CCDC158: variants seen among roughly 807,000 people sequenced by gnomAD.
CCDC158 encodes the protein coiled-coil domain-containing protein 158.
CCDC158 carries 116 observed loss-of-function variants against 138.6 expected under a neutral mutation model. That is an observed-to-expected ratio of 0.84 (90% CI 0.72 to 0.98). The LOEUF is 0.98. CCDC158 is among the 50% of genes least tolerant of loss of function. The probability of loss-of-function intolerance (pLI) is 0.00; values close to 1 mark genes in which losing one functional copy is unlikely to be tolerated. For synonymous variants in CCDC158, 436 were observed against 442.4 expected, an observed-to-expected ratio of 0.99 and a Z score of 0.18; for missense variants, 1,265 against 1,306.1, an observed-to-expected ratio of 0.97 and a Z score of 0.48.
In CCDC158 at chr4:76,367,436, AC is replaced by A. The variant is rs758117451; in HGVS notation, c.1687del (p.Val563Ter). On this transcript the variant is annotated frameshift_variant, in exon 12 of 25. Coordinates refer to ENST00000682701, the MANE Select transcript of CCDC158 (RefSeq NM_001394954.1). LOFTEE classifies it high-confidence loss of function. Reference sequence around the variant, plus strand: ...AATCTGCTGTCGCAGAATCTCGATCACCTTGTCCTTCTCTGTCATCTGCAGT... The same window carrying A: ...AATCTGCTGTCGCAGAATCTCGATCACTTGTCCTTCTCTGTCATCTGCAGT... Reference protein sequence around the residue: ...LKLQMTEKDKVIEILRQQIEN... With the variant: ...LKLQMTEKDKXIEILRQQIEN... 8 of 1,614,148 alleles carry A rather than the reference AC, an allele frequency of 5.0e-6. No homozygotes were observed. In the South Asian group the frequency reaches 8.8e-5, roughly 18 times the overall value.
At chr4:76,415,805 G>A (rs1457199393) in intron 1 of CCDC158, among the ~76,000 whole-genome samples, 8 of 152,154 alleles carry the variant, frequency 5.3e-5, no homozygotes, top group Non-Finnish European at 8.8e-5. Context: ...CTGGGAAGAC[G>A]CCCATTTTCA....
chr4:76,399,792 T>G (rs16996362), intron 3 of CCDC158, among the ~76,000 whole-genome samples: 4,467 of 152,168 alleles, frequency 0.029, 219 homozygotes, highest in African/African-American at 0.1. Context: ...ATGGAAAGGT[T>G]CAAACGGAGA....
chr4:76,395,244 G>T (rs920709148), intron 4 of CCDC158, among the ~76,000 whole-genome samples: 1 of 152,130 alleles, frequency 6.6e-6, no homozygotes, highest in South Asian at 2.1e-4. Context: ...TATATGACAA[G>T]CTCCCCTCCC....
At chr4:76,393,016 A>T (rs914141770) in intron 4 of CCDC158, among the ~76,000 whole-genome samples, 13 of 152,258 alleles carry the variant, frequency 8.5e-5, no homozygotes, top group African/African-American at 2.6e-4. Flanking sequence ...TCCCATGTTC[A>T]TTGATTAGAA....
In CCDC158 at chr4:76,345,991, A is replaced by G. The variant is rs1045977010; in HGVS notation, c.2664+5005T>C. 7.2e-5 allele frequency among the ~76,000 whole-genome samples: 11 copies of G among 152,308 alleles called. No individual in the cohort carries two copies. The South Asian group carries it at 8.3e-4, about 11-fold the overall frequency. ...CATCATGCTACCTGACTTCAACAATATAACAAGGCTACAGTAACCAAAACA... is the reference window on the plus strand; with the variant it reads ...CATCATGCTACCTGACTTCAACAATGTAACAAGGCTACAGTAACCAAAACA... On this transcript the variant is annotated intron_variant, in intron 18 of 24. Transcript: ENST00000682701.
At chr4:76,333,238 G>A (rs1721164119) in intron 19 of CCDC158, among the ~76,000 whole-genome samples, 1 of 152,050 alleles carries the variant, frequency 6.6e-6, no homozygotes, top group African/African-American at 2.4e-5. Context: ...TAAGAAACTG[G>A]AGATTATTTA....
At chr4:76,355,501 A>C in intron 14 of CCDC158, 65 bp from the exon 15 acceptor site, 2 of 1,042,696 alleles carry the variant, frequency 1.9e-6, no homozygotes, top group Admixed American at 1.7e-5. Flanking sequence ...TGGTAATTTG[A>C]TGGTTAAACT....
At chr4:76,361,202 C>T (rs997175595) in intron 13 of CCDC158, among the ~76,000 whole-genome samples, 20 of 152,298 alleles carry the variant, frequency 1.3e-4, no homozygotes, top group Admixed American at 9.8e-4. Flanking sequence ...TTTCCTGAGG[C>T]CTCCAAGCCA....
At chr4:76,420,056 A>G (rs950354980) in intron 1 of CCDC158, among the ~76,000 whole-genome samples, 7 of 151,582 alleles carry the variant, frequency 4.6e-5, no homozygotes, top group Non-Finnish European at 7.4e-5. Context: ...TATTAACTCT[A>G]TGGCATGGAA....
intron 14 of CCDC158, among the ~76,000 whole-genome samples, chr4:76,356,968 C>T (rs112546896): frequency 2.8e-4 from 42 of 152,022 alleles, no homozygotes; most frequent in South Asian, 4.2e-4. Flanking sequence ...ATTTTTATCA[C>T]GGTGAAGCAA....
intron 4 of CCDC158, among the ~76,000 whole-genome samples, chr4:76,391,452 A>G (rs982000110): frequency 3.3e-5 from 5 of 152,032 alleles, no homozygotes; most frequent in African/African-American, 1.2e-4. Flanking sequence ...AGAAATTAAG[A>G]AGGACATTTA....
At chr4:76,355,081 T>C (rs1378921188) in intron 15 of CCDC158, among the ~76,000 whole-genome samples, 1 of 152,216 alleles carries the variant, frequency 6.6e-6, no homozygotes, top group Non-Finnish European at 1.5e-5. Context: ...CACTGTATTT[T>C]GTTTATAATC....
intron 11 of CCDC158, among the ~76,000 whole-genome samples, chr4:76,368,922 T>C (rs1312428280): frequency 1.3e-5 from 2 of 152,172 alleles, no homozygotes; most frequent in East Asian, 1.9e-4. Flanking sequence ...GTTTAATTAG[T>C]GTCTATATAT....
chr4:76,371,022 T>C (rs977861427), intron 10 of CCDC158, among the ~76,000 whole-genome samples: 2 of 152,200 alleles, frequency 1.3e-5, no homozygotes, highest in African/African-American at 2.4e-5. Context: ...ATGAGCACAA[T>C]CATACTGTCC....
intron 18 of CCDC158, among the ~76,000 whole-genome samples, chr4:76,336,865 G>T (rs1721561671): frequency 6.6e-6 from 1 of 152,190 alleles, no homozygotes; most frequent in Non-Finnish European, 1.5e-5. Flanking sequence ...AACGCCGACT[G>T]AGACTGAGCA....
intron 24 of CCDC158, among the ~76,000 whole-genome samples, chr4:76,319,704 C>CA (rs1719826823): frequency 6.6e-6 from 1 of 151,342 alleles, no homozygotes; most frequent in African/African-American, 2.4e-5. Context: ...ATCATCATCT[C>CA]AAAAAATGCA....
intron 11 of CCDC158, 65 bp downstream of exon 11, chr4:76,369,361 A>G: frequency 6.7e-7 from 1 of 1,488,988 alleles, no homozygotes; most frequent in Admixed American, 2.1e-5. Context: ...CTCTATTTAG[A>G]CATAAAATAT....
At chr4:76,351,851 C>A (rs760449795) in intron 16 of CCDC158, 39 bp from the exon 17 acceptor site, 27 of 1,226,564 alleles carry the variant, frequency 2.2e-5, no homozygotes, top group African/African-American at 3.0e-5. Context: ...ATCTTGCATT[C>A]TTTATGCACT....
In CCDC158 at chr4:76,382,599, A is replaced by G; in HGVS notation, c.914+11T>C. On this transcript the variant is annotated intron_variant, in intron 8 of 24. Transcript: ENST00000682701. ...ATGAAGATGAATGACTAACAGTTTCAAACCACATACTGAATGATTTCCATT... is the reference window on the plus strand; with the variant it reads ...ATGAAGATGAATGACTAACAGTTTCGAACCACATACTGAATGATTTCCATT... The G allele has an allele frequency of 6.5e-7, 1 of 1,530,936 alleles. No individual in the cohort carries two copies. Among genetic ancestry groups the G allele is most frequent in the Non-Finnish European group, 9.0e-7 (1 of 1,106,560 alleles). 94.8% of individuals were successfully genotyped at this position (1,530,936 alleles called of 1,614,324 possible).
Sources: allele counts gnomAD v4.1 joint callset (sites outside exome capture counted in the v4.1 genomes callset), GRCh38; gene constraint gnomAD v4.1.1; transcripts MANE v1.5; gene names NCBI Gene and HGNC (gene_info 2026-07-23, HGNC 2026-07-21).